The following SLC4A4 variants were observed in gnomAD, a reference collection of about 807,000 sequenced individuals.
The protein encoded by SLC4A4 is solute carrier family 4 member 4.
In SLC4A4, 27 loss-of-function variants were observed where a neutral mutation model predicts 111.5. That is an observed-to-expected ratio of 0.24 (90% confidence interval 0.18 to 0.33). SLC4A4 has a LOEUF of 0.33. SLC4A4 is among the 10% of genes least tolerant of loss of function. The pLI is 1.00. For synonymous variants in SLC4A4, 443 were observed against 463.4 expected (o/e 0.96, Z 0.57); for missense variants, 909 against 1,315.5 (o/e 0.69, Z 4.78).
intron 6 of SLC4A4, among the ~76,000 whole-genome samples, chr4:71,379,481 CTT>C (rs987608719): frequency 6.6e-6 from 1 of 152,064 alleles, no homozygotes; most frequent in African/African-American, 2.4e-5. Flanking sequence ...CCGCAGGAGA[CTT>C]TTTTCATAAC....
At chr4:71,381,421 C>G (rs1560457945) in intron 6 of SLC4A4, among the ~76,000 whole-genome samples, 4 of 152,084 alleles carry the variant, frequency 2.6e-5, no homozygotes, top group Admixed American at 2.6e-4. Flanking sequence ...CAGATAGTGG[C>G]TCAGGTTATA....
chr4:71,094,771 G>T (rs1021355126), intron 2 of SLC4A4, among the ~76,000 whole-genome samples: 4 of 151,640 alleles, frequency 2.6e-5, no homozygotes, highest in African/African-American at 9.7e-5. Context: ...GTATGTGTGT[G>T]GTTCACGAGT....
At chr4:71,296,059 A>C (rs994977651) in intron 3 of SLC4A4, among the ~76,000 whole-genome samples, 1 of 152,162 alleles carries the variant, frequency 6.6e-6, no homozygotes, top group Non-Finnish European at 1.5e-5. Context: ...CAGTGGTTCA[A>C]GAATACAGTG....
intron 1 of SLC4A4, among the ~76,000 whole-genome samples, chr4:71,234,243 A>G (rs764774339): frequency 9.9e-5 from 15 of 152,250 alleles, no homozygotes; most frequent in Non-Finnish European, 2.1e-4. Context: ...TTGTTCATCT[A>G]TTCAGTATTA....
intron 6 of SLC4A4, among the ~76,000 whole-genome samples, chr4:71,392,672 G>A (rs1016031856): frequency 6.6e-6 from 1 of 152,070 alleles, no homozygotes; most frequent in African/African-American, 2.4e-5. Flanking sequence ...TGTGAAGCCA[G>A]CGTCACCCTA....
At chr4:71,479,322 C>T (rs902839561) in intron 14 of SLC4A4, among the ~76,000 whole-genome samples, 1 of 151,612 alleles carries the variant, frequency 6.6e-6, no homozygotes, top group African/African-American at 2.4e-5. Context: ...CAGTTCCATA[C>T]CTTTAAGTCA....
intron 3 of SLC4A4, among the ~76,000 whole-genome samples, chr4:71,274,036 A>G (rs1197167054): frequency 6.6e-6 from 1 of 152,186 alleles, no homozygotes; most frequent in Non-Finnish European, 1.5e-5. Context: ...ATCTGTGTGT[A>G]ACTGTTGACT....
chr4:71,255,124 TTA>T, intron 2 of SLC4A4, 94 bp from the exon 3 acceptor site: 1 of 1,171,802 alleles, frequency 8.5e-7, no homozygotes, highest in Non-Finnish European at 1.3e-6. Context: ...AACGTTGAAT[TTA>T]TAGACATTTT....
At position 71,149,708 on chromosome 4, in the gene SLC4A4, C is replaced by T. The variant is rs189159097; in HGVS notation, c.-2+56916C>T. On this transcript the variant is annotated intron_variant, in intron 2 of 26. Coordinates refer to the SLC4A4 transcript ENST00000649996. ...GAGGGCCATGTTTTCCTTTTACCTT[C>T]TGAGGCTTTACTTGAAACCAGTTTT... Among the ~76,000 whole-genome samples, 7 of 152,310 alleles carry T rather than the reference C, an allele frequency of 4.6e-5. No individual in the cohort carries two copies. The East Asian group carries it at 1.3e-3, about 29-fold the overall frequency.
At chr4:71,565,227 TC>T (rs1244727975) in intron 24 of SLC4A4, among the ~76,000 whole-genome samples, 2 of 151,912 alleles carry the variant, frequency 1.3e-5, no homozygotes, top group African/African-American at 4.8e-5. Flanking sequence ...AGAGGATATT[TC>T]CTGTCATAGC....
Position 71,250,117 on chromosome 4 carries a change from C to T in SLC4A4, c.74-5103C>T, listed in dbSNP as rs1560813837. Among the ~76,000 whole-genome samples, 2 of 148,244 alleles carry T rather than the reference C, an allele frequency of 1.3e-5. 1 individual carries two copies. Among genetic ancestry groups the T allele is most frequent in the African/African-American group, 4.9e-5 (2 of 40,834 alleles). ...ATCTGTCACTCATCCAGGGTCTCCG[C>T]CTCTTCTACATTTTTCTTTTCTTAA... On this transcript the variant is annotated intron_variant, in intron 2 of 25. Coordinates refer to ENST00000264485, the MANE Select transcript of SLC4A4 (RefSeq NM_001098484.3).
intron 11 of SLC4A4, 139 bp downstream of exon 11, chr4:71,451,440 C>T (rs1432025371): frequency 8.4e-6 from 6 of 715,038 alleles, no homozygotes; most frequent in Admixed American, 2.0e-5. Context: ...TTGTCACAGG[C>T]ACTGGGAATA....
chr4:71,340,864 A>G (rs1373355316), intron 4 of SLC4A4, among the ~76,000 whole-genome samples: 1 of 152,208 alleles, frequency 6.6e-6, no homozygotes, highest in Non-Finnish European at 1.5e-5. Context: ...GTATATGTAT[A>G]TGTATGAAAA....
intron 3 of SLC4A4, among the ~76,000 whole-genome samples, chr4:71,313,526 A>G (rs948395976): frequency 5.3e-5 from 8 of 152,180 alleles, no homozygotes; most frequent in Non-Finnish European, 8.8e-5. Context: ...ACTTCAAACT[A>G]CAAGGCTACA....
intron 3 of SLC4A4, among the ~76,000 whole-genome samples, chr4:71,265,578 A>G (rs1363151892): frequency 6.6e-6 from 1 of 152,100 alleles, no homozygotes; most frequent in Non-Finnish European, 1.5e-5. Flanking sequence ...GCAAGGGCTA[A>G]CATCTTACCT....
intron 7 of SLC4A4, among the ~76,000 whole-genome samples, chr4:71,417,425 T>C (rs768386586): frequency 5.3e-5 from 8 of 152,114 alleles, no homozygotes; most frequent in Non-Finnish European, 1.0e-4. Flanking sequence ...CCCTCTGAGA[T>C]AGATGAATGA....
At chr4:71,385,742 A>T (rs902173493) in intron 6 of SLC4A4, among the ~76,000 whole-genome samples, 2 of 151,996 alleles carry the variant, frequency 1.3e-5, no homozygotes, top group Non-Finnish European at 2.9e-5. Context: ...TCAATATCTC[A>T]AGGATACTGA....
intron 4 of SLC4A4, among the ~76,000 whole-genome samples, chr4:71,339,964 TCA>T (rs1728755843): frequency 6.6e-6 from 1 of 151,568 alleles, no homozygotes; most frequent in African/African-American, 2.4e-5. Flanking sequence ...GTGCCTGTAA[TCA>T]CAGAATTTTA....
intron 2 of SLC4A4, among the ~76,000 whole-genome samples, chr4:71,103,619 A>T (rs979018430): frequency 6.6e-6 from 1 of 152,100 alleles, no homozygotes; most frequent in Non-Finnish European, 1.5e-5. Flanking sequence ...TAAGAATCTC[A>T]CTCAAAACCG....
Sources: allele counts gnomAD v4.1 joint callset (sites outside exome capture counted in the v4.1 genomes callset), GRCh38; gene constraint gnomAD v4.1.1; transcripts MANE v1.5; gene names NCBI Gene and HGNC (gene_info 2026-07-23, HGNC 2026-07-21).